Variants in CNTN4 observed in about 807,000 individuals in gnomAD.
CNTN4 encodes the protein contactin 4.
A neutral mutation model predicts 122.5 loss-of-function variants in CNTN4; 77 were observed. The ratio of observed to expected loss-of-function variants is 0.63; its 90% CI spans 0.52 to 0.76. The LOEUF (loss-of-function observed/expected upper bound fraction) is 0.76, where lower values mean the gene tolerates loss of function less well. Ranked by LOEUF, CNTN4 falls within the 30% of genes least tolerant of loss-of-function variation. CNTN4 has a pLI of 0.00. For synonymous variants in CNTN4, 512 were observed against 447.0 expected (o/e 1.15, Z -1.83); for missense variants, 1,256 against 1,259.1 (o/e 1.00, Z 0.04).
At chr3:2,172,665 T>A (rs2036568358) in intron 2 of CNTN4, among the ~76,000 whole-genome samples, 1 of 152,200 alleles carries the variant, frequency 6.6e-6, no homozygotes, top group Admixed American at 6.5e-5. Context: ...CTTTAAAGAT[T>A]TCTGAATGTG....
chr3:2,548,089 G>C (rs1323213212), intron 3 of CNTN4, among the ~76,000 whole-genome samples: 1 of 152,008 alleles, frequency 6.6e-6, no homozygotes, highest in African/African-American at 2.4e-5. Context: ...TTGTCAGATG[G>C]ATAGATTGCA....
intron 3 of CNTN4, among the ~76,000 whole-genome samples, chr3:2,530,602 C>A (rs1193323860): frequency 6.6e-6 from 1 of 152,120 alleles, no homozygotes; most frequent in African/African-American, 2.4e-5. Context: ...GCCACCGCAC[C>A]TGGCCTCTAT....
intron 3 of CNTN4, among the ~76,000 whole-genome samples, chr3:2,550,376 A>C (rs981592977): frequency 1.3e-5 from 2 of 152,214 alleles, no homozygotes; most frequent in Non-Finnish European, 2.9e-5. Flanking sequence ...TCATTAGAGA[A>C]ATGCAAATCA....
At chr3:2,707,107 C>G (rs894047093) in intron 4 of CNTN4, among the ~76,000 whole-genome samples, 17 of 151,910 alleles carry the variant, frequency 1.1e-4, no homozygotes, top group African/African-American at 4.1e-4. Flanking sequence ...CAGGAACACT[C>G]TGGGTGACAT....
chr3:2,881,597 A>G (rs1203861150), intron 8 of CNTN4, among the ~76,000 whole-genome samples: 1 of 146,568 alleles, frequency 6.8e-6, no homozygotes, highest in Non-Finnish European at 1.5e-5. Flanking sequence ...CCTGTCCCCC[A>G]TCCAGTGAGT....
Position 2,372,059 on chromosome 3 carries a change from G to A in CNTN4, c.-89+32826G>A, listed in dbSNP as rs1275968550. The stretch of plus-strand genomic sequence containing the variant: ...CAATCATCATATTTTTCATATAAAT[G>A]ATGATATAAGCTCTGGTAATAAGGG... On this transcript the variant is annotated intron_variant, in intron 3 of 24. Coordinates refer to ENST00000418658, the MANE Select transcript of CNTN4 (RefSeq NM_175607.3). Among the ~76,000 whole-genome samples the A allele has an allele frequency of 5.3e-5, 8 of 152,176 alleles. No individual in the cohort carries two copies. The East Asian group carries it at 1.5e-3, about 29-fold the overall frequency.
At chr3:2,340,601 G>A (rs6800905) in intron 3 of CNTN4, among the ~76,000 whole-genome samples, 51,472 of 148,394 alleles carry the variant, frequency 0.35, 9,805 homozygotes, top group East Asian at 0.8. Context: ...GATCACTTGG[G>A]CCTGGGAGGT....
intron 3 of CNTN4, among the ~76,000 whole-genome samples, chr3:2,465,415 G>A (rs1456433377): frequency 6.6e-6 from 1 of 152,018 alleles, no homozygotes; most frequent in Non-Finnish European, 1.5e-5. Flanking sequence ...GGTGGCTCAC[G>A]CCTGTAATCC....
At chr3:2,440,557 G>C (rs546177965) in intron 3 of CNTN4, among the ~76,000 whole-genome samples, 13 of 152,094 alleles carry the variant, frequency 8.5e-5, no homozygotes, top group African/African-American at 2.9e-4. Flanking sequence ...AACTGATGTC[G>C]TGTGAGTGTA....
At chr3:2,833,113 C>T (rs12633535) in intron 7 of CNTN4, among the ~76,000 whole-genome samples, 70,716 of 151,944 alleles carry the variant, frequency 0.47, 18,701 homozygotes, top group East Asian at 0.8. Context: ...TTGGAAGGAA[C>T]GCCTTAAGAA....
intron 3 of CNTN4, among the ~76,000 whole-genome samples, chr3:2,340,682 A>ATT (rs1288886645): frequency 5.2e-5 from 1 of 19,244 alleles, no homozygotes; most frequent in Non-Finnish European, 1.5e-4. Flanking sequence ...CTTGTCATAA[A>ATT]TTTTATATAT....
chr3:2,656,243 GA>G (rs1453864959), intron 4 of CNTN4, among the ~76,000 whole-genome samples: 1 of 152,206 alleles, frequency 6.6e-6, no homozygotes, highest in Admixed American at 6.5e-5. Flanking sequence ...ATATTTCCAA[GA>G]GAGAAAAATT....
At chr3:2,427,009 T>A (rs1222845683) in intron 3 of CNTN4, among the ~76,000 whole-genome samples, 1 of 152,176 alleles carries the variant, frequency 6.6e-6, no homozygotes, top group Non-Finnish European at 1.5e-5. Context: ...TGTTGATCTT[T>A]TCAAAAAACC....
At chr3:2,702,341 G>A (rs868025475) in intron 4 of CNTN4, among the ~76,000 whole-genome samples, 6 of 152,182 alleles carry the variant, frequency 3.9e-5, no homozygotes, top group African/African-American at 1.4e-4. Flanking sequence ...AAGAACAAAC[G>A]AACACTGCAA....
At chr3:2,606,623 T>A (rs2081272141) in intron 4 of CNTN4, among the ~76,000 whole-genome samples, 2 of 152,202 alleles carry the variant, frequency 1.3e-5, no homozygotes, top group South Asian at 4.1e-4. Context: ...CTGAACACAA[T>A]AAGTTGACAT....
At chr3:2,110,740 G>C (rs2032883669) in intron 2 of CNTN4, 2 of 30,936 alleles carry the variant, frequency 6.5e-5, no homozygotes, top group South Asian at 1.5e-3. Flanking sequence ...CTTTTTTTTG[G>C]TTGTTGTTGT....
chr3:2,648,723 A>G (rs1388117673), intron 4 of CNTN4, among the ~76,000 whole-genome samples: 4 of 152,202 alleles, frequency 2.6e-5, no homozygotes, highest in African/African-American at 9.6e-5. Flanking sequence ...GAAGAAGCGT[A>G]CATCTTTCAC....
At chr3:2,720,398 G>A (rs1321731264) in intron 4 of CNTN4, among the ~76,000 whole-genome samples, 4 of 152,094 alleles carry the variant, frequency 2.6e-5, no homozygotes, top group Non-Finnish European at 4.4e-5. Context: ...CCTGAACATT[G>A]AGCATAACTC....
At chr3:2,658,253 G>A (rs60053978) in intron 4 of CNTN4, among the ~76,000 whole-genome samples, 7,529 of 151,452 alleles carry the variant, frequency 0.05, 637 homozygotes, top group African/African-American at 0.17. Context: ...GAAGTGCTCT[G>A]TCAGGGACTC....
Sources: allele counts gnomAD v4.1 joint callset (sites outside exome capture counted in the v4.1 genomes callset), GRCh38; gene constraint gnomAD v4.1.1; transcripts MANE v1.5; gene names NCBI Gene and HGNC (gene_info 2026-07-23, HGNC 2026-07-21).